The following ATP2B1 variants were observed in gnomAD, a reference collection of about 807,000 sequenced individuals.
The protein encoded by ATP2B1 is ATPase plasma membrane Ca2+ transporting 1, also known as plasma membrane calcium-transporting ATPase 1.
A neutral mutation model predicts 124.2 loss-of-function variants in ATP2B1; 14 were observed. The ratio of observed to expected loss-of-function variants is 0.11; its 90% confidence interval spans 0.07 to 0.18. The LOEUF (loss-of-function observed/expected upper bound fraction) is 0.18, where lower values mean the gene tolerates loss of function less well. Ranked by LOEUF, ATP2B1 falls within the 10% of genes least tolerant of loss-of-function variation. ATP2B1 has a pLI of 1.00. For missense variants in ATP2B1, 763 were observed against 1,466.1 expected (o/e 0.52, Z 7.83); for synonymous variants, 449 against 492.4 (o/e 0.91, Z 1.17).
At chr12:89,651,753 G>A (rs1454307524) in intron 2 of ATP2B1, among the ~76,000 whole-genome samples, 1 of 152,052 alleles carries the variant, frequency 6.6e-6, no homozygotes, top group Non-Finnish European at 1.5e-5. Flanking sequence ...TTTGTAACAG[G>A]TAACATACAA....
At chr12:89,644,279 A>G (rs1323868013) in intron 2 of ATP2B1, among the ~76,000 whole-genome samples, 1 of 152,262 alleles carries the variant, frequency 6.6e-6, no homozygotes, top group Non-Finnish European at 1.5e-5. Flanking sequence ...AAGACAGGAA[A>G]ACAGTAGATT....
At chr12:89,684,329 G>A (rs1431932133) in intron 1 of ATP2B1, among the ~76,000 whole-genome samples, 2 of 152,132 alleles carry the variant, frequency 1.3e-5, no homozygotes, top group Non-Finnish European at 2.9e-5. Context: ...ACTGGGTTGG[G>A]GCAGAGGGCC....
intron 1 of ATP2B1, among the ~76,000 whole-genome samples, chr12:89,685,821 T>C (rs1889900960): frequency 6.6e-6 from 1 of 152,008 alleles, no homozygotes; most frequent in Non-Finnish European, 1.5e-5. Context: ...GTCTTATGGG[T>C]GGGACCCTAA....
At chr12:89,613,144 T>G (rs1878342736) in intron 12 of ATP2B1, among the ~76,000 whole-genome samples, 1 of 152,026 alleles carries the variant, frequency 6.6e-6, no homozygotes, top group Non-Finnish European at 1.5e-5. Flanking sequence ...CATGCACAGC[T>G]AATTTTTTGT....
chr12:89,643,092 A>G (rs1029014379), intron 2 of ATP2B1, among the ~76,000 whole-genome samples: 2 of 149,910 alleles, frequency 1.3e-5, no homozygotes, highest in African/African-American at 2.5e-5. Flanking sequence ...ACACACACAC[A>G]TATATACATA....
intron 7 of ATP2B1, 78 bp from the exon 8 acceptor site, chr12:89,626,693 A>T (rs757222062): frequency 1.4e-5 from 21 of 1,469,096 alleles, no homozygotes; most frequent in Admixed American, 2.5e-5. Flanking sequence ...AAATTTTAAA[A>T]ATCAGTTTCT....
chr12:89,696,558 T>C (rs1324556407), intron 1 of ATP2B1, among the ~76,000 whole-genome samples: 1 of 152,220 alleles, frequency 6.6e-6, no homozygotes, highest in Admixed American at 6.5e-5. Flanking sequence ...TGAAGGATGT[T>C]AATAGGTAAG....
chr12:89,661,526 TG>T (rs1287433109), intron 1 of ATP2B1, among the ~76,000 whole-genome samples: 17 of 152,126 alleles, frequency 1.1e-4, no homozygotes, highest in Non-Finnish European at 8.8e-5. Context: ...TCATTAAAAA[TG>T]AGAGTAAATA....
At chr12:89,686,558 T>C (rs1889996293) in intron 1 of ATP2B1, among the ~76,000 whole-genome samples, 1 of 152,120 alleles carries the variant, frequency 6.6e-6, no homozygotes, top group African/African-American at 2.4e-5. Context: ...AAGGAAATTT[T>C]AGCAAAATTT....
intron 2 of ATP2B1, among the ~76,000 whole-genome samples, chr12:89,654,334 A>T (rs987918378): frequency 3.9e-5 from 6 of 152,216 alleles, no homozygotes; most frequent in Non-Finnish European, 7.3e-5. Context: ...ATACCATTTT[A>T]ATGTATTAAT....
intron 1 of ATP2B1, among the ~76,000 whole-genome samples, chr12:89,695,004 G>T (rs1182193270): frequency 7.1e-6 from 1 of 141,010 alleles, no homozygotes; most frequent in African/African-American, 2.7e-5. Flanking sequence ...TCTGCAGTGA[G>T]CCATGATCGT....
intron 1 of ATP2B1, among the ~76,000 whole-genome samples, chr12:89,680,449 T>C (rs111984958): frequency 6.6e-6 from 1 of 152,202 alleles, no homozygotes; most frequent in African/African-American, 2.4e-5. Flanking sequence ...CAAAATTATT[T>C]TGGAAATTAA....
rs572712639 is a variant in ATP2B1 at position 89,618,163 on chromosome 12, A to G, written c.1830-1124T>C. On this transcript the variant is annotated intron_variant, in intron 11 of 20. Coordinates refer to ENST00000428670, the MANE Select transcript of ATP2B1 (RefSeq NM_001366521.1). ...CTTTAATCACAGCTTTGATGATTCTACTACTTGAAGAAAAAAATACCTCAT... is the reference window on the plus strand; with the variant it reads ...CTTTAATCACAGCTTTGATGATTCTGCTACTTGAAGAAAAAAATACCTCAT... Among the ~76,000 whole-genome samples the G allele has an allele frequency of 2.0e-5, 3 of 152,202 alleles. No individual in the cohort carries two copies. The South Asian group carries it at 6.2e-4, about 31-fold the overall frequency.
chr12:89,633,277 G>A (rs980945041), intron 5 of ATP2B1, among the ~76,000 whole-genome samples: 2 of 151,832 alleles, frequency 1.3e-5, no homozygotes, highest in Non-Finnish European at 2.9e-5. Context: ...CAAACAGGGT[G>A]TGAATGTTCT....
In ATP2B1 at chr12:89,599,310, G is replaced by A. The variant is rs184499616; in HGVS notation, c.3169-11C>T. The A allele has an allele frequency of 6.4e-4, 1,040 of 1,612,524 alleles. 1 individual carries two copies. The highest frequency in any genetic ancestry group is 8.3e-4 in the Non-Finnish European group (983 of 1,179,096). On this transcript the variant is annotated splice_polypyrimidine_tract_variant and intron_variant, in intron 19 of 20. Transcript: ENST00000428670. Reference sequence around the variant, plus strand: ...AATTGTTGAAATAAGCTACAACACAGGGGAATGAACTTAGAAATAAATCAT... The same window carrying A: ...AATTGTTGAAATAAGCTACAACACAAGGGAATGAACTTAGAAATAAATCAT...
chr12:89,597,636 G>A (rs1044461887), intron 20 of ATP2B1, among the ~76,000 whole-genome samples: 3 of 152,076 alleles, frequency 2.0e-5, no homozygotes, highest in African/African-American at 7.2e-5. Context: ...AGACCAAATG[G>A]AAAAGATAGG....
intron 12 of ATP2B1, 76 bp from the exon 13 acceptor site, chr12:89,611,448 C>T (rs920659157): frequency 8.1e-7 from 1 of 1,235,994 alleles, no homozygotes; most frequent in African/African-American, 1.5e-5. Context: ...CTGCACACGA[C>T]TGCATTAATT....
intron 1 of ATP2B1, among the ~76,000 whole-genome samples, chr12:89,656,857 AT>A (rs979991728): frequency 6.6e-6 from 1 of 150,450 alleles, no homozygotes; most frequent in Admixed American, 6.6e-5. Flanking sequence ...TTTATATGTT[AT>A]TTTTTTCCCT....
intron 1 of ATP2B1, among the ~76,000 whole-genome samples, chr12:89,692,736 C>T (rs1195997229): frequency 6.6e-6 from 1 of 152,144 alleles, no homozygotes; most frequent in Admixed American, 6.6e-5. Context: ...TAACCTACTA[C>T]CTACCATGAC....
Sources: allele counts gnomAD v4.1 joint callset (sites outside exome capture counted in the v4.1 genomes callset), GRCh38; gene constraint gnomAD v4.1.1; transcripts MANE v1.5; gene names NCBI Gene and HGNC (gene_info 2026-07-23, HGNC 2026-07-21).